COG6: variants seen among roughly 807,000 people sequenced by gnomAD.
COG6 encodes the protein conserved oligomeric Golgi complex subunit 6.
A neutral mutation model predicts 88.8 loss-of-function variants in COG6; 74 were observed. The ratio of observed to expected loss-of-function variants is 0.83; its 90% confidence interval spans 0.69 to 1.01. The LOEUF (loss-of-function observed/expected upper bound fraction) is 1.01, where lower values mean the gene tolerates loss of function less well. Ranked by LOEUF, COG6 falls within the 50% of genes least tolerant of loss-of-function variation. The pLI is 0.00. For synonymous variants in COG6, 286 were observed against 278.7 expected, an observed-to-expected ratio of 1.03 and a Z score of -0.26; for missense variants, 800 against 797.9, an observed-to-expected ratio of 1.00 and a Z score of -0.03.
At chr13:39,707,484 A>ATG (rs1173731427) in intron 13 of COG6, among the ~76,000 whole-genome samples, 1 of 152,144 alleles carries the variant, frequency 6.6e-6, no homozygotes, top group African/African-American at 2.4e-5. Flanking sequence ...AGTTAGTTGA[A>ATG]TGTTTGTATT....
At chr13:39,744,765 T>C (rs1429579411) in intron 18 of COG6, among the ~76,000 whole-genome samples, 1 of 152,156 alleles carries the variant, frequency 6.6e-6, no homozygotes, top group Non-Finnish European at 1.5e-5. Context: ...AAAGTTCATA[T>C]GGAACCAAAA....
chr13:39,774,563 G>C (rs182651037), intron 18 of COG6, among the ~76,000 whole-genome samples: 1 of 151,426 alleles, frequency 6.6e-6, no homozygotes, highest in East Asian at 1.9e-4. Flanking sequence ...CACAAAGTTG[G>C]AAAAAAATTT....
In COG6 at chr13:39,655,682, C is replaced by A. The variant is rs761758694; in HGVS notation, c.-45C>A. 3.9e-6 allele frequency: 6 copies of A among 1,553,308 alleles called. No individual in the cohort carries two copies. The highest frequency in any genetic ancestry group is 1.4e-5 in the African/African-American group (1 of 72,008). On this transcript the variant is annotated 5_prime_UTR_variant, in exon 1 of 19. Coordinates refer to ENST00000455146, the MANE Select transcript of COG6 (RefSeq NM_020751.3). ...GCAATACTCGCGCTGCCTCCGTGGT[C>A]CCTGCCTGGCTGAGGTGGCAGCAGG...
intron 4 of COG6, among the ~76,000 whole-genome samples, chr13:39,665,640 T>C (rs1875206050): frequency 6.6e-6 from 1 of 152,210 alleles, no homozygotes; most frequent in Non-Finnish European, 1.5e-5. Flanking sequence ...TGGATTTGTG[T>C]AATGTGTGGT....
intron 18 of COG6, among the ~76,000 whole-genome samples, chr13:39,779,723 T>C (rs1566047452): frequency 6.6e-6 from 1 of 152,166 alleles, no homozygotes; most frequent in Non-Finnish European, 1.5e-5. Context: ...TCTCCAGGGT[T>C]CTGTCCTAAA....
chr13:39,735,999 T>G (rs1879723538), intron 18 of COG6, among the ~76,000 whole-genome samples: 2 of 152,096 alleles, frequency 1.3e-5, no homozygotes, highest in African/African-American at 4.8e-5. Context: ...TTGGATTACA[T>G]CTGCTTAGTG....
chr13:39,678,928 A>G (rs1266799348), intron 5 of COG6, among the ~76,000 whole-genome samples: 3 of 151,956 alleles, frequency 2.0e-5, no homozygotes, highest in Non-Finnish European at 4.4e-5. Flanking sequence ...GGTTATTATT[A>G]TTATTATTAT....
chr13:39,671,538 A>G (rs1250926099), intron 4 of COG6, among the ~76,000 whole-genome samples: 1 of 151,830 alleles, frequency 6.6e-6, no homozygotes, highest in Non-Finnish European at 1.5e-5. Flanking sequence ...CCATTTCCCA[A>G]AATTAATTTG....
chr13:39,788,569 C>A lies in COG6; in HGVS notation c.*213C>A, dbSNP rs113502725. Reference sequence around the variant, plus strand: ...CTCAGATTTACTCTTCAGAATAATGCGGATCATAATACGCACACACACAGC... The same window carrying A: ...CTCAGATTTACTCTTCAGAATAATGAGGATCATAATACGCACACACACAGC... On this transcript the variant is annotated 3_prime_UTR_variant, in exon 19 of 19. Coordinates refer to the COG6 transcript ENST00000416691. 8.6e-6 allele frequency: 5 copies of A among 578,218 alleles called. No individual in the cohort carries two copies. The East Asian group carries it at 1.1e-4, about 13-fold the overall frequency. The allele number at this position is 578,218 out of a possible 1,614,324, so 35.8% of individuals were successfully genotyped here.
At chr13:39,747,587 C>T (rs1204223756) in intron 18 of COG6, among the ~76,000 whole-genome samples, 2 of 152,152 alleles carry the variant, frequency 1.3e-5, no homozygotes, top group East Asian at 1.9e-4. Flanking sequence ...TGAAGACATA[C>T]TATACCATCT....
chr13:39,781,441 G>GTT (rs34052593), intron 18 of COG6, among the ~76,000 whole-genome samples: 3 of 142,146 alleles, frequency 2.1e-5, no homozygotes, highest in African/African-American at 7.7e-5. Flanking sequence ...AATGCGGAGG[G>GTT]TTTTTTTTTT....
At chr13:39,724,210 A>G (rs1468733802) in intron 16 of COG6, among the ~76,000 whole-genome samples, 1 of 151,984 alleles carries the variant, frequency 6.6e-6, no homozygotes, top group Non-Finnish European at 1.5e-5. Flanking sequence ...TCAAGCCTCC[A>G]TGTGTCACTG....
intron 1 of COG6, chr13:39,656,359 A>G (rs1416414488): frequency 5.7e-6 from 2 of 350,564 alleles, no homozygotes; most frequent in African/African-American, 4.3e-5. Context: ...AACAATTGCA[A>G]TAATTTGCAG....
At chr13:39,753,975 A>G (rs1593475575), downstream of COG6, among the ~76,000 whole-genome samples, 1 of 152,274 alleles carries the variant, frequency 6.6e-6, no homozygotes, top group Admixed American at 6.5e-5. Flanking sequence ...TAAGCTTTTC[A>G]TCAGTGCTAT....
At chr13:39,728,050 A>C (rs1479656321) in intron 18 of COG6, among the ~76,000 whole-genome samples, 2 of 152,170 alleles carry the variant, frequency 1.3e-5, no homozygotes, top group Non-Finnish European at 2.9e-5. Context: ...CGGAGAGATT[A>C]TATGATCTTT....
chr13:39,722,930 A>G (rs1467410872), intron 15 of COG6, among the ~76,000 whole-genome samples: 1 of 152,066 alleles, frequency 6.6e-6, no homozygotes, highest in Non-Finnish European at 1.5e-5. Flanking sequence ...CAGATGGTAT[A>G]TTTGATTTGT....
At chr13:39,742,199 C>T (rs868228696) in intron 18 of COG6, among the ~76,000 whole-genome samples, 2 of 152,092 alleles carry the variant, frequency 1.3e-5, no homozygotes, top group African/African-American at 2.4e-5. Context: ...CATCAACTAA[C>T]GGGCAAAATA....
At chr13:39,684,432 A>T (rs1000333594) in intron 8 of COG6, among the ~76,000 whole-genome samples, 9 of 150,958 alleles carry the variant, frequency 6.0e-5, no homozygotes, top group Non-Finnish European at 1.3e-4. Context: ...TGTATTTTTT[A>T]GTAGAGACGG....
At chr13:39,765,682 T>A (rs1291313341) in intron 18 of COG6, among the ~76,000 whole-genome samples, 3 of 152,232 alleles carry the variant, frequency 2.0e-5, no homozygotes, top group African/African-American at 4.8e-5. Flanking sequence ...GCAGTTTTCT[T>A]ACTGGGTAGA....
Sources: gnomAD v4.1 joint callset for allele counts (sites outside exome capture counted in the v4.1 genomes callset) on GRCh38, gnomAD v4.1.1 for gene constraint, MANE v1.5 for transcripts, NCBI Gene and HGNC (gene_info 2026-07-23, HGNC 2026-07-21) for gene names.